The following PXT1 variants were observed in gnomAD, a reference collection of about 807,000 sequenced individuals.
PXT1 encodes peroxisomal testis enriched protein 1.
Under a neutral mutation model 11.0 loss-of-function variants are expected in PXT1, and 11 were observed. The ratio of observed to expected loss-of-function variants is 1.00; its 90% CI spans 0.63 to 1.66. The LOEUF (loss-of-function observed/expected upper bound fraction) is 1.66, where lower values mean the gene tolerates loss of function less well. Among genes scored for constraint, PXT1 ranks in the 40% most tolerant of loss-of-function variants. The pLI is 0.00. For missense variants in PXT1, 141 were observed against 155.5 expected, an observed-to-expected ratio of 0.91 and a Z score of 0.49; for synonymous variants, 43 against 51.4, an observed-to-expected ratio of 0.84 and a Z score of 0.70.
At chr6:36,442,053 A>G (rs190818213) in intron 1 of PXT1, among the ~76,000 whole-genome samples, 178 of 151,302 alleles carry the variant, frequency 1.2e-3, no homozygotes, top group African/African-American at 4.0e-3. Flanking sequence ...AGTATATTTA[A>G]TTAGTATATA....
At chr6:36,393,757 G>T (rs1255340993) in intron 4 of PXT1, among the ~76,000 whole-genome samples, 3 of 151,258 alleles carry the variant, frequency 2.0e-5, no homozygotes, top group Admixed American at 1.3e-4. Context: ...TCTCAATGAG[G>T]CCTTCCCTTA....
intron 2 of PXT1, among the ~76,000 whole-genome samples, chr6:36,435,868 C>G (rs371068772): frequency 1.3e-5 from 2 of 152,028 alleles, no homozygotes; most frequent in Non-Finnish European, 2.9e-5. Flanking sequence ...ACAAGTAAGA[C>G]TAGAATAAAC....
At chr6:36,408,665 G>C (rs1469766826) in intron 3 of PXT1, among the ~76,000 whole-genome samples, 1 of 145,006 alleles carries the variant, frequency 6.9e-6, no homozygotes, top group Non-Finnish European at 1.5e-5. Context: ...CAGGAGTTCA[G>C]GACCAGCCTA....
At chr6:36,414,519 T>C (rs895850500) in intron 3 of PXT1, among the ~76,000 whole-genome samples, 3 of 152,214 alleles carry the variant, frequency 2.0e-5, no homozygotes, top group Non-Finnish European at 4.4e-5. Context: ...CAAAAAGATA[T>C]TCCTCTGTGT....
intron 2 of PXT1, among the ~76,000 whole-genome samples, chr6:36,435,129 A>G (rs1774743501): frequency 6.6e-6 from 1 of 152,190 alleles, no homozygotes; most frequent in Non-Finnish European, 1.5e-5. Flanking sequence ...CAAAAGCTTT[A>G]GAGAAGAAAT....
chr6:36,425,800 C>CAAACAAACAAACAAACAA (rs1554154117), intron 3 of PXT1, 114 bp downstream of exon 3: 3 of 216,710 alleles, frequency 1.4e-5, no homozygotes, highest in African/African-American at 1.0e-4. Flanking sequence ...AAAACAAAAA[C>CAAACAAACAAACAAACAA]AAAAAATATA....
At position 36,391,703 on chromosome 6, in the gene PXT1, G is replaced by T; in HGVS notation, c.*67C>A. On this transcript the variant is annotated 3_prime_UTR_variant, in exon 5 of 5. Transcript: ENST00000454782. ...AAGGGTGTTCTTCCCATCTGTCCCAGTGGGATTCATGTTTCTCAGAGGGTA... is the reference window on the plus strand; with the variant it reads ...AAGGGTGTTCTTCCCATCTGTCCCATTGGGATTCATGTTTCTCAGAGGGTA... 1.9e-6 allele frequency: 2 copies of T among 1,027,458 alleles called. No individual in the cohort carries two copies. Among genetic ancestry groups the T allele is most frequent in the Non-Finnish European group, 3.1e-6 (2 of 646,702 alleles). 63.6% of individuals were successfully genotyped at this position (1,027,458 alleles called of 1,614,324 possible). A position where few individuals can be genotyped will look rare whatever the true frequency, so the allele number is the denominator to read the frequency against.
chr6:36,423,509 A>G (rs1165488997), intron 3 of PXT1, among the ~76,000 whole-genome samples: 1 of 152,236 alleles, frequency 6.6e-6, no homozygotes, highest in Non-Finnish European at 1.5e-5. Flanking sequence ...GCGCGCGCGT[A>G]GCTCGCCTCG....
At chr6:36,406,726 G>A (rs1774296845) in intron 3 of PXT1, among the ~76,000 whole-genome samples, 1 of 151,468 alleles carries the variant, frequency 6.6e-6, no homozygotes, top group African/African-American at 2.4e-5. Flanking sequence ...CAGGAGAATC[G>A]CTTGAACCCG....
intron 1 of PXT1, among the ~76,000 whole-genome samples, chr6:36,441,735 G>A (rs905877196): frequency 3.9e-5 from 6 of 152,098 alleles, no homozygotes; most frequent in African/African-American, 1.4e-4. Flanking sequence ...GAATAGAAAT[G>A]GAAAATGACC....
At chr6:36,421,415 C>G (rs1226078635) in intron 3 of PXT1, among the ~76,000 whole-genome samples, 1 of 151,882 alleles carries the variant, frequency 6.6e-6, no homozygotes, top group East Asian at 1.9e-4. Context: ...GAGCTATGAT[C>G]GCGCCACTGC....
intron 4 of PXT1, among the ~76,000 whole-genome samples, 194 bp downstream of exon 4, chr6:36,400,260 T>G (rs190068599): frequency 1.5e-4 from 23 of 152,346 alleles, no homozygotes; most frequent in Non-Finnish European, 2.9e-4. Context: ...GACCACAGTC[T>G]GAGTAGCAAG....
At chr6:36,396,824 G>C (rs1374344594) in intron 4 of PXT1, among the ~76,000 whole-genome samples, 2 of 152,110 alleles carry the variant, frequency 1.3e-5, no homozygotes, top group African/African-American at 4.8e-5. Flanking sequence ...CCTCCCTGCT[G>C]ATAGCTGGAG....
At chr6:36,422,065 CAG>C (rs1365200480) in intron 3 of PXT1, among the ~76,000 whole-genome samples, 5 of 152,022 alleles carry the variant, frequency 3.3e-5, no homozygotes, top group Non-Finnish European at 5.9e-5. Flanking sequence ...TACAAAACAA[CAG>C]AGATAATGCA....
rs1774088448 is a variant in PXT1 at position 36,392,835 on chromosome 6, C to T, written c.301-961G>A. On this transcript the variant is annotated intron_variant, in intron 4 of 4. Coordinates refer to ENST00000454782, the MANE Select transcript of PXT1 (RefSeq NM_152990.4). ...CCTGCCCCCTGCAGTCTGTTCTCAG[C>T]ACAGCCCCCTCTGTGGACTGTTGAA... is the stretch of plus-strand genomic sequence containing the variant. 2.0e-5 allele frequency among the ~76,000 whole-genome samples: 3 copies of T among 152,276 alleles called. No individual in the cohort carries two copies. In the South Asian group the frequency reaches 6.2e-4, roughly 32 times the overall value.
chr6:36,415,735 T>G (rs994912441), intron 3 of PXT1, among the ~76,000 whole-genome samples: 2 of 152,150 alleles, frequency 1.3e-5, no homozygotes, highest in African/African-American at 4.8e-5. Flanking sequence ...GGAGAGAAAT[T>G]AGATCAGGAG....
chr6:36,397,854 A>T (rs572501139), intron 4 of PXT1, among the ~76,000 whole-genome samples: 4 of 152,188 alleles, frequency 2.6e-5, no homozygotes, highest in African/African-American at 9.6e-5. Context: ...AAAATAAAAT[A>T]AAAATTAAAA....
intron 3 of PXT1, among the ~76,000 whole-genome samples, chr6:36,415,531 T>C (rs1774435397): frequency 6.6e-6 from 1 of 152,126 alleles, no homozygotes; most frequent in African/African-American, 2.4e-5. Flanking sequence ...AGAACTGGTC[T>C]TGTAGTGGGG....
chr6:36,395,679 A>G (rs1774134153), intron 4 of PXT1, among the ~76,000 whole-genome samples: 1 of 151,630 alleles, frequency 6.6e-6, no homozygotes, highest in South Asian at 2.1e-4. Context: ...TCAAACTATT[A>G]TTTTTTAAAT....
Sources: gnomAD v4.1 joint callset for allele counts (sites outside exome capture counted in the v4.1 genomes callset) on GRCh38, gnomAD v4.1.1 for gene constraint, MANE v1.5 for transcripts, NCBI Gene and HGNC (gene_info 2026-07-23, HGNC 2026-07-21) for gene names.